Variants in PGK1 observed in about 807,000 individuals in gnomAD.
The protein encoded by PGK1 is phosphoglycerate kinase 1, also known as PRP 2.
In PGK1, 3 loss-of-function variants were observed where a neutral mutation model predicts 26.9. The observed-to-expected ratio is 0.11, with a 90% CI of 0.05 to 0.29. The LOEUF is 0.29. Ranked by LOEUF, PGK1 falls within the 10% of genes least tolerant of loss-of-function variation. The pLI, the probability that PGK1 is intolerant of heterozygous loss-of-function variation, is 1.00. For missense variants in PGK1, 270 were observed against 314.7 expected (o/e 0.86, Z 1.07); for synonymous variants, 125 against 115.3 (o/e 1.08, Z -0.54).
At chrX:78,111,591 A>G (rs2078301619) in intron 2 of PGK1, among the ~76,000 whole-genome samples, 1 of 112,324 alleles carries the variant, frequency 8.9e-6, no homozygotes, top group South Asian at 3.6e-4. Context: ...CTGGTACTCA[A>G]CAGACACACA....
intron 2 of PGK1, among the ~76,000 whole-genome samples, chrX:78,111,566 G>C (rs2078301481): frequency 8.9e-6 from 1 of 111,948 alleles, no homozygotes; most frequent in Non-Finnish European, 1.9e-5. Context: ...ATCTCAATTT[G>C]ATCTAGTTAT....
intron 1 of PGK1, 26 bp downstream of exon 1, chrX:78,104,431 C>T (rs782201500): frequency 9.2e-7 from 1 of 1,090,806 alleles, no homozygotes; most frequent in Non-Finnish European, 1.3e-6. Context: ...TGCCCGCGTG[C>T]TCTCTGTGCT....
chrX:78,117,082 A>C (rs1350766703), intron 4 of PGK1, among the ~76,000 whole-genome samples: 2 of 111,574 alleles, frequency 1.8e-5, no homozygotes, highest in Non-Finnish European at 3.8e-5. Flanking sequence ...TCGTTCAGGA[A>C]TATTAGGTTT....
At chrX:78,113,932 G>T (rs201057366) in intron 3 of PGK1, 33 bp downstream of exon 3, 30 of 1,207,358 alleles carry the variant, frequency 2.5e-5, no homozygotes, top group Non-Finnish European at 3.4e-5. Flanking sequence ...GGTAGACTTT[G>T]TGGCGGGGGA....
chrX:78,104,463 G>A, intron 1 of PGK1, 58 bp downstream of exon 1: 11 of 919,102 alleles, frequency 1.2e-5, no homozygotes, highest in Admixed American at 2.2e-5. Context: ...CTCTTTGGCC[G>A]GAGCCGACTT....
chrX:78,128,835 C>T lies in PGK1; in HGVS notation c.*3005C>T, dbSNP rs1261004952. The T allele has an allele frequency of 9.0e-6, 1 of 111,600 alleles. No homozygotes were observed. Among genetic ancestry groups the T allele is most frequent in the Non-Finnish European group, 1.9e-5 (1 of 53,217 alleles). The allele number at this position is 111,600 out of a possible 1,213,427, so 9.2% of individuals were successfully genotyped here. ...CAATGAAGACACCTTCCTCAGTCCC[C>T]TACCTACCAGTTTCCCTCCCCAGAA... On this transcript the variant is annotated 3_prime_UTR_variant, in exon 11 of 11. Transcript: ENST00000373316.
intron 8 of PGK1, 37 bp from the exon 9 acceptor site, chrX:78,124,837 T>C: frequency 1.7e-6 from 2 of 1,168,773 alleles, no homozygotes; most frequent in Non-Finnish European, 2.3e-6. Context: ...GTAGCTTTTC[T>C]TGATAGCTCA....
intron 4 of PGK1, among the ~76,000 whole-genome samples, chrX:78,114,512 A>G (rs1557247260): frequency 9.0e-6 from 1 of 111,366 alleles, no homozygotes; most frequent in East Asian, 2.8e-4. Context: ...TGTGTAAAGT[A>G]TGTTCCTTTA....
At position 78,123,324 on chromosome X, in the gene PGK1, G is replaced by A. The variant is rs1007021919; in HGVS notation, c.886G>A (p.Ala296Thr). ...FVTADKFDEN[A>T]KTGQATVASG... ...CACTGCTGACAAGTTTGATGAGAAT[G>A]CCAAGACTGGCCAAGCCACTGTGGC... is the stretch of plus-strand genomic sequence containing the variant. The change falls in exon 8 of 11, where the codon GCC becomes ACC. Residue 296 changes from alanine to threonine, a missense_variant. By Grantham distance (58) the Ala-to-Thr change is moderately conservative. This residue lies in a region of PGK1 where 103 missense variants were observed against 114.6 expected (regional missense o/e 0.90). Coordinates refer to ENST00000373316, the MANE Select transcript of PGK1 (RefSeq NM_000291.4). The A allele has an allele frequency of 9.9e-6, 12 of 1,206,916 alleles. No homozygotes were observed. The highest frequency in any genetic ancestry group is 6.6e-5 in the Admixed American group (3 of 45,660).
At chrX:78,121,476 A>T (rs1452572401) in intron 6 of PGK1, among the ~76,000 whole-genome samples, 1 of 112,011 alleles carries the variant, frequency 8.9e-6, no homozygotes, top group African/African-American at 3.3e-5. Flanking sequence ...TTTACAACTG[A>T]AATAAATAGT....
In PGK1 at chrX:78,118,309, T is replaced by C. The variant is rs917792214; in HGVS notation, c.641+139T>C. The C allele has an allele frequency of 5.9e-6, 4 of 673,202 alleles. No homozygotes were observed. The African/African-American group carries it at 8.6e-5, about 14-fold the overall frequency. The allele number at this position is 673,202 out of a possible 1,213,427, so 55.5% of individuals were successfully genotyped here. On this transcript the variant is annotated intron_variant, in intron 6 of 10. Transcript: ENST00000373316. Reference sequence around the variant, plus strand: ...TAATAAAGGAACTACAGGCTGGGCATGGTGGCTCACACCTGTAATCCCAGC... The same window carrying C: ...TAATAAAGGAACTACAGGCTGGGCACGGTGGCTCACACCTGTAATCCCAGC...
intron 4 of PGK1, among the ~76,000 whole-genome samples, chrX:78,115,656 A>T (rs1407886938): frequency 1.8e-5 from 2 of 111,840 alleles, no homozygotes; most frequent in Non-Finnish European, 3.8e-5. Flanking sequence ...TCTGTCTCAA[A>T]AAAACCACAA....
chrX:78,104,418 G>A lies in PGK1; in HGVS notation c.65+13G>A. The A allele has an allele frequency of 8.7e-7, 1 of 1,151,521 alleles. No individual in the cohort carries two copies. Among genetic ancestry groups the A allele is most frequent in the Non-Finnish European group, 1.2e-6 (1 of 840,667 alleles). The allele number at this position is 1,151,521 out of a possible 1,213,427, so 94.9% of individuals were successfully genotyped here. Reference sequence around the variant, plus strand: ...GGGTCGTTATGAGGTAATTCTGCACGTTTGCCCGCGTGCTCTCTGTGCTCT... The same window carrying A: ...GGGTCGTTATGAGGTAATTCTGCACATTTGCCCGCGTGCTCTCTGTGCTCT... On this transcript the variant is annotated intron_variant, in intron 1 of 10. Transcript: ENST00000373316.
chrX:78,123,236 C>T lies in PGK1; in HGVS notation c.798C>T (p.Val266=). 8.3e-7 allele frequency: 1 copy of T among 1,207,667 alleles called. No homozygotes were observed. Among genetic ancestry groups the T allele is most frequent in the Non-Finnish European group, 1.1e-6 (1 of 891,999 alleles). ...TTGATGAAGAGGGAGCCAAGATTGT[C>T]AAAGACCTAATGTCCAAAGCTGAGA... is the stretch of plus-strand genomic sequence containing the variant. ...SLFDEEGAKI[V]KDLMSKAEKN... Residue 266 remains valine (V), a synonymous_variant, in exon 8 of 11, where the codon GTC becomes GTT. Transcript: ENST00000373316.
At chrX:78,119,110 G>T (rs2078341044) in intron 6 of PGK1, among the ~76,000 whole-genome samples, 1 of 110,928 alleles carries the variant, frequency 9.0e-6, no homozygotes, top group Admixed American at 9.6e-5. Context: ...AACCTGGCAG[G>T]GTATAACCAT....
intron 1 of PGK1, among the ~76,000 whole-genome samples, chrX:78,108,201 G>T (rs1316195622): frequency 8.9e-6 from 1 of 111,935 alleles, no homozygotes; most frequent in Non-Finnish European, 1.9e-5. Flanking sequence ...TTTCTTAGGT[G>T]TCTCTGTCCA....
At position 78,125,324 on chromosome X, in the gene PGK1, C is replaced by T; in HGVS notation, c.1115-3C>T. 8.5e-7 allele frequency: 1 copy of T among 1,181,455 alleles called. No homozygotes were observed. Among genetic ancestry groups the T allele is most frequent in the Non-Finnish European group, 1.2e-6 (1 of 868,466 alleles). The stretch of plus-strand genomic sequence containing the variant: ...CCCTTTTTACCTGGCTTTCATTCAA[C>T]AGGTGGTGGAGACACTGCCACTTGC... On this transcript the variant is annotated splice_polypyrimidine_tract_variant and splice_region_variant and intron_variant, in intron 9 of 10. Coordinates refer to ENST00000373316, the MANE Select transcript of PGK1 (RefSeq NM_000291.4).
Position 78,114,142 on chromosome X carries a change from A to C in PGK1, c.399A>C (p.Lys133Asn). Reference sequence around the variant, plus strand: ...ATGTGGAGGAAGAAGGGAAGGGAAAAGATGCTTCTGGGAACAAGGTAGGAC... The same window carrying C: ...ATGTGGAGGAAGAAGGGAAGGGAAACGATGCTTCTGGGAACAAGGTAGGAC... ...RFHVEEEGKG[K>N]DASGNKVKAE... The change falls in exon 4 of 11, where the codon AAA becomes AAC. Residue 133 changes from lysine (K) to asparagine (N), a missense_variant. This residue lies in a region of PGK1 where 150 missense variants were observed against 154.6 expected (regional missense o/e 0.97). Transcript: ENST00000373316. 8.3e-7 allele frequency: 1 copy of C among 1,211,114 alleles called. No individual in the cohort carries two copies. Among genetic ancestry groups the C allele is most frequent in the Non-Finnish European group, 1.1e-6 (1 of 894,867 alleles).
chrX:78,119,037 T>C (rs2078340610), intron 6 of PGK1, among the ~76,000 whole-genome samples: 1 of 111,291 alleles, frequency 9.0e-6, no homozygotes, highest in African/African-American at 3.3e-5. Flanking sequence ...AGATCCACCA[T>C]AGGTGCTCAT....
Sources: gnomAD v4.1 joint callset for allele counts (sites outside exome capture counted in the v4.1 genomes callset) on GRCh38, gnomAD v4.1.1 for gene constraint, gnomAD v4.1.1 regional missense constraint, MANE v1.5 for transcripts, NCBI Gene and HGNC (gene_info 2026-07-23, HGNC 2026-07-21) for gene names.